The following EIF4G3 variants were observed in gnomAD, a reference collection of about 807,000 sequenced individuals.
EIF4G3 encodes eIF-4-gamma 3.
A neutral mutation model predicts 186.4 loss-of-function variants in EIF4G3; 34 were observed. That is an observed-to-expected ratio of 0.18 (90% confidence interval 0.14 to 0.24). The LOEUF (loss-of-function observed/expected upper bound fraction) is 0.24. EIF4G3 is among the 10% of genes least tolerant of loss of function. The pLI is 1.00. For synonymous variants in EIF4G3, 673 were observed against 679.5 expected (o/e 0.99, Z 0.15); for missense variants, 1,536 against 1,948.5 (o/e 0.79, Z 3.99).
intron 4 of EIF4G3, among the ~76,000 whole-genome samples, chr1:21,011,227 A>AG (rs1461758311): frequency 2.6e-5 from 4 of 151,756 alleles, no homozygotes; most frequent in Admixed American, 6.6e-5. Flanking sequence ...AAAAAAGGAA[A>AG]GAAAAAAAAA....
At chr1:20,994,913 G>A (rs907012715) in intron 7 of EIF4G3, among the ~76,000 whole-genome samples, 2 of 151,790 alleles carry the variant, frequency 1.3e-5, no homozygotes, top group African/African-American at 4.8e-5. Context: ...TGCTGGGATT[G>A]CAGGCATCAA....
At chr1:21,171,060 T>G (rs1225655193) in intron 2 of EIF4G3, among the ~76,000 whole-genome samples, 1 of 152,122 alleles carries the variant, frequency 6.6e-6, no homozygotes, top group African/African-American at 2.4e-5. Context: ...TTTCTCAAAT[T>G]TCAGCTGAGC....
At chr1:20,906,811 TAC>T (rs35477773) in intron 14 of EIF4G3, among the ~76,000 whole-genome samples, 13 of 149,744 alleles carry the variant, frequency 8.7e-5, no homozygotes, top group Non-Finnish European at 1.3e-4. Flanking sequence ...AAAAACTGGA[TAC>T]ACACACACAC....
intron 3 of EIF4G3, among the ~76,000 whole-genome samples, chr1:21,066,668 C>T (rs1302806280): frequency 6.6e-6 from 1 of 152,146 alleles, no homozygotes; most frequent in Admixed American, 6.6e-5. Flanking sequence ...AAGTTAAATG[C>T]TCCAGTGTCT....
intron 4 of EIF4G3, among the ~76,000 whole-genome samples, chr1:21,024,916 A>T (rs941253867): frequency 2.6e-5 from 4 of 151,200 alleles, no homozygotes; most frequent in African/African-American, 4.9e-5. Context: ...AAAAAAAAAG[A>T]AAGTGGTGTA....
chr1:20,996,336 C>T (rs1289165392), intron 7 of EIF4G3, among the ~76,000 whole-genome samples: 1 of 152,070 alleles, frequency 6.6e-6, no homozygotes, highest in African/African-American at 2.4e-5. Context: ...GAAGTCCAAG[C>T]TCTTAAAGTA....
chr1:20,886,499 C>CTT, intron 18 of EIF4G3, 128 bp from the exon 19 acceptor site: 1 of 774,314 alleles, frequency 1.3e-6, no homozygotes, highest in Non-Finnish European at 2.0e-6. Flanking sequence ...GGTACTCAAA[C>CTT]TGGAGGTAAT....
chr1:20,903,319 G>C (rs10799672), intron 15 of EIF4G3, among the ~76,000 whole-genome samples: 143,856 of 152,214 alleles, frequency 0.95, 68,486 homozygotes, highest in Middle Eastern at 1. Flanking sequence ...AAAAAGTTTG[G>C]TGAACCTCAA....
chr1:20,920,022 T>C (rs2094350706), intron 14 of EIF4G3, among the ~76,000 whole-genome samples: 1 of 152,010 alleles, frequency 6.6e-6, no homozygotes, highest in South Asian at 2.1e-4. Context: ...TTCTCCTGCC[T>C]AAGCCTCCCA....
chr1:21,014,710 C>A (rs1351297882), intron 4 of EIF4G3, among the ~76,000 whole-genome samples: 2 of 116,098 alleles, frequency 1.7e-5, no homozygotes, highest in Admixed American at 8.8e-5. Flanking sequence ...TCTTGGCTCA[C>A]TGCAACCTCT....
intron 3 of EIF4G3, among the ~76,000 whole-genome samples, chr1:21,057,801 A>G (rs1311249595): frequency 2.0e-5 from 3 of 152,198 alleles, no homozygotes; most frequent in Non-Finnish European, 4.4e-5. Flanking sequence ...AAGAAAATTT[A>G]AAAAGAAATA....
intron 12 of EIF4G3, among the ~76,000 whole-genome samples, chr1:20,963,059 T>C (rs1019765483): frequency 7.9e-5 from 12 of 152,032 alleles, no homozygotes; most frequent in Admixed American, 2.0e-4. Context: ...GATTGCATAT[T>C]TGTGTCTGTT....
chr1:20,981,631 TACGCAC>T lies in EIF4G3; in HGVS notation c.199-410_199-405del, dbSNP rs1189729125. Among the ~76,000 whole-genome samples, 15 of 124,152 alleles carry T rather than the reference TACGCAC, an allele frequency of 1.2e-4. 1 individual carries two copies. The highest frequency in any genetic ancestry group is 2.9e-4 in the South Asian group (1 of 3,450). 81.4% of individuals were successfully genotyped at this position (124,152 alleles called of 152,430 possible). On this transcript the variant is annotated intron_variant, in intron 8 of 36. Coordinates refer to ENST00000602326, the MANE Select transcript of EIF4G3 (RefSeq NM_001391906.1). ...CATACTGTATGTATACATACATGTATACGCACATACTGTATGTATACATACATGTAT... is the reference window on the plus strand; with the variant it reads ...CATACTGTATGTATACATACATGTATATACTGTATGTATACATACATGTAT...
At chr1:21,174,239 C>T (rs1054425773) in intron 2 of EIF4G3, among the ~76,000 whole-genome samples, 3 of 152,152 alleles carry the variant, frequency 2.0e-5, no homozygotes, top group Non-Finnish European at 4.4e-5. Context: ...TTAACAAGTG[C>T]TTTTTATTCA....
intron 2 of EIF4G3, among the ~76,000 whole-genome samples, chr1:21,109,745 C>T (rs1406804985): frequency 2.0e-5 from 3 of 152,130 alleles, no homozygotes; most frequent in Non-Finnish European, 4.4e-5. Context: ...ACTAACACAA[C>T]ACTGAAATGA....
chr1:20,868,918 G>A (rs912790725), intron 20 of EIF4G3, among the ~76,000 whole-genome samples: 3 of 152,174 alleles, frequency 2.0e-5, no homozygotes, highest in African/African-American at 7.2e-5. Flanking sequence ...AGATATGAAT[G>A]TTGTCAGCAT....
chr1:21,067,131 CTTTTT>C (rs1392802757), intron 3 of EIF4G3, among the ~76,000 whole-genome samples: 1 of 122,648 alleles, frequency 8.2e-6, no homozygotes, highest in African/African-American at 3.0e-5. Flanking sequence ...TTTTTCTTTT[CTTTTT>C]TTTTTTTTTT....
chr1:20,853,441 A>G, intron 27 of EIF4G3, 119 bp downstream of exon 27: 1 of 619,774 alleles, frequency 1.6e-6, no homozygotes, highest in Non-Finnish European at 2.9e-6. Context: ...AAAGAAATCA[A>G]CTTTAGGAAT....
intron 7 of EIF4G3, among the ~76,000 whole-genome samples, chr1:20,988,614 AG>A (rs776902701): frequency 6.6e-5 from 10 of 152,114 alleles, no homozygotes; most frequent in Non-Finnish European, 1.3e-4. Flanking sequence ...GGCTATTTTA[AG>A]GCCATTGTAG....
Sources: gnomAD v4.1 joint callset for allele counts (sites outside exome capture counted in the v4.1 genomes callset) on GRCh38, gnomAD v4.1.1 for gene constraint, MANE v1.5 for transcripts, NCBI Gene and HGNC (gene_info 2026-07-23, HGNC 2026-07-21) for gene names.